Variants in TBX5 observed in about 807,000 individuals in gnomAD.
The protein encoded by TBX5 is T-box transcription factor 5, also known as T-box transcription factor TBX5.
Under a neutral mutation model 51.1 loss-of-function variants are expected in TBX5, and 8 were observed. The observed-to-expected ratio is 0.16, with a 90% CI of 0.09 to 0.28. The LOEUF (loss-of-function observed/expected upper bound fraction) is 0.28, where lower values mean the gene tolerates loss of function less well. Among genes scored for constraint, TBX5 ranks in the 10% least tolerant of loss-of-function variants. TBX5 has a pLI of 1.00. For synonymous variants in TBX5, 302 were observed against 266.4 expected, an observed-to-expected ratio of 1.13 and a Z score of -1.30; for missense variants, 589 against 671.7, an observed-to-expected ratio of 0.88 and a Z score of 1.36.
chr12:114,358,777 T>TTTTG (rs34419380), intron 8 of TBX5, among the ~76,000 whole-genome samples: 17,842 of 150,622 alleles, frequency 0.12, 1,907 homozygotes, highest in East Asian at 0.35. Flanking sequence ...GCGGGGTTTT[T>TTTTG]TTTGTTTGTT....
At chr12:114,363,486 G>A (rs888138034) in intron 8 of TBX5, among the ~76,000 whole-genome samples, 2 of 152,146 alleles carry the variant, frequency 1.3e-5, no homozygotes, top group African/African-American at 4.8e-5. Flanking sequence ...ACTTCTTCCT[G>A]CCTGTCTTTT....
In TBX5 at chr12:114,386,086, G is replaced by A. The variant is rs76638283; in HGVS notation, c.664-519C>T. On this transcript the variant is annotated intron_variant, in intron 6 of 8. Transcript: ENST00000405440. Reference sequence around the variant, plus strand: ...TTCATTTCATAGTTTTGCAGATAGCGTTTCCTAGTTCTGGTGGAAAATGGT... The same window carrying A: ...TTCATTTCATAGTTTTGCAGATAGCATTTCCTAGTTCTGGTGGAAAATGGT... Among the ~76,000 whole-genome samples the A allele has an allele frequency of 8.7e-3, 1,330 of 152,224 alleles. 23 individuals carry two copies. The highest frequency in any genetic ancestry group is 0.03 in the African/African-American group (1,242 of 41,532).
chr12:114,405,650 T>G lies in TBX5; in HGVS notation c.-61A>C. The G allele has an allele frequency of 1.0e-6, 1 of 968,366 alleles. No individual in the cohort carries two copies. The allele number at this position is 968,366 out of a possible 1,614,324, so 60.0% of individuals were successfully genotyped here. ...TACCTCGTTCGGTGAAGCCGGTGCA[T>G]TCACCACATCCTCTGCTGCTCCTAG... On this transcript the variant is annotated 5_prime_UTR_variant, in exon 1 of 9. An upstream start codon of the reference 5' UTR is lost. Transcript: ENST00000405440.
At chr12:114,366,450 T>A in intron 7 of TBX5, 59 bp from the exon 8 acceptor site, 1 of 1,559,420 alleles carries the variant, frequency 6.4e-7, no homozygotes, top group East Asian at 2.2e-5. Flanking sequence ...ATTTCCTGAG[T>A]GGCTGAACCA....
intron 8 of TBX5, among the ~76,000 whole-genome samples, chr12:114,362,832 A>G (rs1272857321): frequency 1.3e-5 from 2 of 151,868 alleles, no homozygotes; most frequent in African/African-American, 4.8e-5. Flanking sequence ...TGCCAGACTA[A>G]TTTTTTATTT....
intron 6 of TBX5, among the ~76,000 whole-genome samples, 162 bp from the exon 7 acceptor site, chr12:114,385,729 G>C (rs1593866783): frequency 6.6e-6 from 1 of 152,234 alleles, no homozygotes; most frequent in Middle Eastern, 3.4e-3. Flanking sequence ...CTTCATTCAA[G>C]TGGAGGCTTT....
rs369919453 is a variant in TBX5 at position 114,401,910 on chromosome 12, C to T, written c.158G>A (p.Gly53Glu). 1.1e-5 allele frequency: 17 copies of T among 1,614,052 alleles called. No individual in the cohort carries two copies. The highest frequency in any genetic ancestry group is 1.7e-5 in the Admixed American group (1 of 60,006). ...TCTTTCATGGAGAAACACTTTGATTCCCTCCATGCCCTGCAAGAAGGAGAA... is the reference window on the plus strand; with the variant it reads ...TCTTTCATGGAGAAACACTTTGATTTCCTCCATGCCCTGCAAGAAGGAGAA... ...QAAFTQQGMEGIKVFLHEREL... is the reference protein window; with the variant it reads ...QAAFTQQGMEEIKVFLHEREL... Residue 53 changes from glycine (G) to glutamate (E), a missense_variant, in exon 3 of 9, where the codon GGA (glycine) becomes GAA (glutamate). Gly to Glu is a moderately conservative substitution (Grantham distance 98, BLOSUM62 -2). Transcript: ENST00000405440.
intron 7 of TBX5, among the ~76,000 whole-genome samples, chr12:114,380,411 A>G (rs1870443822): frequency 6.6e-6 from 1 of 152,124 alleles, no homozygotes; most frequent in Non-Finnish European, 1.5e-5. Flanking sequence ...CCTTGATACG[A>G]GCCGTTCTGC....
In TBX5 at chr12:114,381,594, C is replaced by T. The variant is rs75307796; in HGVS notation, c.755+3882G>A. 8.7e-3 allele frequency among the ~76,000 whole-genome samples: 1,320 copies of T among 152,278 alleles called. 23 individuals are homozygous for T. The highest frequency in any genetic ancestry group is 0.03 in the African/African-American group (1,234 of 41,546). ...TAGGCATTTGCTCATATAATTTTTACAGGAACCCTAGAAAGTAGAGGCTAT... is the reference window on the plus strand; with the variant it reads ...TAGGCATTTGCTCATATAATTTTTATAGGAACCCTAGAAAGTAGAGGCTAT... On this transcript the variant is annotated intron_variant, in intron 7 of 8. Transcript: ENST00000405440.
chr12:114,362,775 C>T (rs1407820605), intron 8 of TBX5, among the ~76,000 whole-genome samples: 1 of 152,166 alleles, frequency 6.6e-6, no homozygotes. Flanking sequence ...AGCAATCCTC[C>T]CATCTCAGCC....
chr12:114,364,569 G>A (rs1170115483), intron 8 of TBX5, among the ~76,000 whole-genome samples: 1 of 152,160 alleles, frequency 6.6e-6, no homozygotes, highest in Non-Finnish European at 1.5e-5. Flanking sequence ...GACCACAGAT[G>A]TAAACTTTAG....
intron 8 of TBX5, among the ~76,000 whole-genome samples, chr12:114,363,372 T>C (rs1447042415): frequency 2.6e-5 from 4 of 152,194 alleles, no homozygotes; most frequent in Non-Finnish European, 5.9e-5. Context: ...CCTAAGAGGT[T>C]TGTGAACCGT....
chr12:114,369,365 A>AAT (rs1255246738), intron 7 of TBX5, among the ~76,000 whole-genome samples: 13 of 152,178 alleles, frequency 8.5e-5, no homozygotes, highest in Non-Finnish European at 1.5e-4. Flanking sequence ...ATATCATCCC[A>AAT]ATAACCACTT....
At chr12:114,386,100 G>A (rs1442329812) in intron 6 of TBX5, among the ~76,000 whole-genome samples, 1 of 152,098 alleles carries the variant, frequency 6.6e-6, no homozygotes, top group Non-Finnish European at 1.5e-5. Context: ...CCTAGTTCTG[G>A]TGGAAAATGG....
At chr12:114,403,699 CA>C (rs1004228996) in intron 2 of TBX5, 52 bp downstream of exon 2, 4 of 1,596,480 alleles carry the variant, frequency 2.5e-6, no homozygotes, top group Non-Finnish European at 3.4e-6. Flanking sequence ...GCAGGAAAGC[CA>C]GACTCTGACT....
chr12:114,369,552 G>A (rs1012931680), intron 7 of TBX5, among the ~76,000 whole-genome samples: 1 of 152,170 alleles, frequency 6.6e-6, no homozygotes, highest in Non-Finnish European at 1.5e-5. Context: ...ACATGCAAAG[G>A]AAAGAAAATG....
At chr12:114,371,705 G>A (rs1421789413) in intron 7 of TBX5, among the ~76,000 whole-genome samples, 3 of 151,412 alleles carry the variant, frequency 2.0e-5, no homozygotes, top group African/African-American at 7.3e-5. Context: ...TTCTCTTGGA[G>A]CAAATTCCTC....
At chr12:114,367,714 T>C (rs1193901890) in intron 7 of TBX5, among the ~76,000 whole-genome samples, 3 of 151,918 alleles carry the variant, frequency 2.0e-5, no homozygotes, top group African/African-American at 7.3e-5. Context: ...GAGAGAAATA[T>C]CCAAGTATGT....
chr12:114,381,141 T>A (rs985077625), intron 7 of TBX5, among the ~76,000 whole-genome samples: 2 of 152,198 alleles, frequency 1.3e-5, no homozygotes, highest in African/African-American at 4.8e-5. Context: ...CACAGGGAGT[T>A]GGGCCAAGAG....
Sources: gnomAD v4.1 joint callset for allele counts (sites outside exome capture counted in the v4.1 genomes callset) on GRCh38, gnomAD v4.1.1 for gene constraint, MANE v1.5 for transcripts, NCBI Gene and HGNC (gene_info 2026-07-23, HGNC 2026-07-21) for gene names.